Variants in UIMC1 observed in about 807,000 individuals in gnomAD.
The protein encoded by UIMC1 is ubiquitin interaction motif containing 1.
In UIMC1, 42 loss-of-function variants were observed where a neutral mutation model predicts 84.9. The ratio of observed to expected loss-of-function variants is 0.49; its 90% CI spans 0.39 to 0.64. The LOEUF (loss-of-function observed/expected upper bound fraction) is 0.64, where lower values mean the gene tolerates loss of function less well. Among genes scored for constraint, UIMC1 ranks in the 30% least tolerant of loss-of-function variants. UIMC1 has a pLI of 0.00. For missense variants in UIMC1, 825 were observed against 847.6 expected (o/e 0.97, Z 0.33); for synonymous variants, 281 against 293.0 (o/e 0.96, Z 0.42).
At position 176,984,486 on chromosome 5, in the gene UIMC1, C is replaced by T. The variant is rs1771646970; in HGVS notation, c.-8-1863G>A. ...GGATGTGAGGAGCGCCTCTGCCTGG[C>T]CGCCCCATCTAGGAGTGAGGAGTGC... On this transcript the variant is annotated intron_variant, in intron 1 of 14. Coordinates refer to ENST00000511320, the MANE Select transcript of UIMC1 (RefSeq NM_001199298.2). Among the ~76,000 whole-genome samples the T allele has an allele frequency of 2.0e-5, 3 of 150,052 alleles. No individual in the cohort carries two copies. The South Asian group carries it at 6.4e-4, about 32-fold the overall frequency.
chr5:176,966,914 G>A (rs1276719510), intron 6 of UIMC1, among the ~76,000 whole-genome samples: 1 of 152,096 alleles, frequency 6.6e-6, no homozygotes, highest in Non-Finnish European at 1.5e-5. Flanking sequence ...AAATACAAAT[G>A]GGTCTTAGAC....
chr5:176,960,415 G>C (rs1399451142), intron 6 of UIMC1, among the ~76,000 whole-genome samples: 1 of 152,044 alleles, frequency 6.6e-6, no homozygotes, highest in Non-Finnish European at 1.5e-5. Context: ...ATGAACACAG[G>C]ATAGCAAAAT....
Position 176,969,053 on chromosome 5 carries a change from C to T in UIMC1, c.702G>A (p.Gln234=). The part of the protein sequence containing the change: ...SAEHTQCGKP[Q]ESTGRGSAFL... ...AAGCAGAACCCCTCCCAGTACTTTCCTGTGGCTTCCCACACTGTGTGTGCT... is the reference window on the plus strand; with the variant it reads ...AAGCAGAACCCCTCCCAGTACTTTCTTGTGGCTTCCCACACTGTGTGTGCT... Residue 234 remains glutamine, a synonymous_variant, in exon 6 of 15, where the codon CAG becomes CAA. Transcript: ENST00000511320. 6.2e-7 allele frequency: 1 copy of T among 1,614,192 alleles called. No homozygotes were observed. Among genetic ancestry groups the T allele is most frequent in the Non-Finnish European group, 8.5e-7 (1 of 1,180,006 alleles).
intron 1 of UIMC1, among the ~76,000 whole-genome samples, chr5:176,991,233 T>A (rs543269159): frequency 3.3e-5 from 5 of 151,860 alleles, no homozygotes; most frequent in Admixed American, 2.6e-4. Context: ...ATGGTCTCGA[T>A]CTCCTGACCT....
At chr5:176,984,602 G>A (rs1485766031) in intron 1 of UIMC1, among the ~76,000 whole-genome samples, 2 of 152,008 alleles carry the variant, frequency 1.3e-5, no homozygotes, top group South Asian at 2.1e-4. Context: ...AAGAGACAGC[G>A]ACCAACGAGA....
upstream of UIMC1, among the ~76,000 whole-genome samples, chr5:177,008,384 C>T (rs142790014): frequency 1.4e-3 from 206 of 152,280 alleles, no homozygotes; most frequent in Non-Finnish European, 2.1e-3. Context: ...CAGTATACTA[C>T]AATTCTTTGC....
At chr5:176,993,535 C>T (rs1313088056) in intron 1 of UIMC1, among the ~76,000 whole-genome samples, 5 of 151,976 alleles carry the variant, frequency 3.3e-5, no homozygotes, top group African/African-American at 9.7e-5. Context: ...CATCATGGCA[C>T]GAATATACCT....
intron 1 of UIMC1, among the ~76,000 whole-genome samples, chr5:176,989,040 C>T (rs1032100693): frequency 2.6e-5 from 4 of 152,028 alleles, no homozygotes; most frequent in Admixed American, 2.6e-4. Context: ...TTTTATTTTA[C>T]AGCCAGAGCA....
intron 10 of UIMC1, among the ~76,000 whole-genome samples, chr5:176,916,725 T>G (rs1761023663): frequency 6.6e-6 from 1 of 152,212 alleles, no homozygotes; most frequent in African/African-American, 2.4e-5. Context: ...CTTAGCCTTA[T>G]CCAAAGACTT....
chr5:177,018,012 T>C (rs1178321377), intron 1 of UIMC1, among the ~76,000 whole-genome samples: 3 of 152,054 alleles, frequency 2.0e-5, no homozygotes, highest in Non-Finnish European at 4.4e-5. Context: ...ACTCAGTAGA[T>C]ACTTTTATGT....
rs1769092900 is a variant in UIMC1, at chr5:176,970,783, C to A, written c.316G>T (p.Glu106Ter). 6.2e-7 allele frequency: 1 copy of A among 1,614,028 alleles called. No homozygotes were observed. Among genetic ancestry groups the A allele is most frequent in the Non-Finnish European group, 8.5e-7 (1 of 1,180,044 alleles). Reference sequence around the variant, plus strand: ...ATGGCTTTCCTCAAGAGCTCCTCTTCTTCCTCCTCCTGGCTGTTCACCTCC... The same window carrying A: ...ATGGCTTTCCTCAAGAGCTCCTCTTATTCCTCCTCCTGGCTGTTCACCTCC... ...AREVNSQEEE[E>*]EELLRKAIAE... is the part of the protein sequence containing the mutation. The change falls in exon 4 of 15, where the codon GAA (glutamate) becomes TAA (stop). Residue 106 changes from glutamate (E) to a stop codon, truncating the protein, a stop_gained. Coordinates refer to ENST00000511320, the MANE Select transcript of UIMC1 (RefSeq NM_001199298.2). LOFTEE classifies it high-confidence loss of function.
chr5:176,937,418 C>T (rs571845703), intron 10 of UIMC1, among the ~76,000 whole-genome samples: 2 of 152,266 alleles, frequency 1.3e-5, no homozygotes, highest in African/African-American at 4.8e-5. Flanking sequence ...TGGCATGAAC[C>T]TGGAGGCAAA....
intron 1 of UIMC1, among the ~76,000 whole-genome samples, chr5:177,021,179 G>A (rs994150687): frequency 3.9e-5 from 6 of 152,198 alleles, no homozygotes; most frequent in Non-Finnish European, 5.9e-5. Flanking sequence ...TCAGGAGGCT[G>A]AGGCTGGAGA....
At chr5:176,988,075 G>T (rs941769506) in intron 1 of UIMC1, among the ~76,000 whole-genome samples, 3 of 126,876 alleles carry the variant, frequency 2.4e-5, no homozygotes, top group African/African-American at 9.1e-5. Context: ...AGGCTGCAGT[G>T]AACCAATATC....
chr5:176,932,858 CTTTTTTT>C (rs749495757), intron 10 of UIMC1, among the ~76,000 whole-genome samples: 80 of 106,634 alleles, frequency 7.5e-4, no homozygotes, highest in African/African-American at 2.6e-3. Flanking sequence ...AATAGCAATG[CTTTTTTT>C]TTTTTTTTTT....
intron 11 of UIMC1, among the ~76,000 whole-genome samples, 146 bp downstream of exon 11, chr5:176,911,157 AAAGAAAAG>A (rs1760141170): frequency 1.4e-5 from 1 of 71,906 alleles, no homozygotes; most frequent in Admixed American, 1.2e-4. Context: ...AAAGAAAAGA[AAAGAAAAG>A]AAAAGAAAAG....
At chr5:176,994,627 C>G (rs1189907172) in intron 1 of UIMC1, among the ~76,000 whole-genome samples, 1 of 151,998 alleles carries the variant, frequency 6.6e-6, no homozygotes, top group Non-Finnish European at 1.5e-5. Flanking sequence ...AGGTGGCCAC[C>G]AGCCCAGCAG....
At chr5:177,015,637 T>C (rs1430345555) in intron 1 of UIMC1, among the ~76,000 whole-genome samples, 3 of 152,178 alleles carry the variant, frequency 2.0e-5, no homozygotes, top group Non-Finnish European at 2.9e-5. Flanking sequence ...AAAGCATTAC[T>C]TGACTCTAAC....
At chr5:177,019,152 T>G (rs1775735765) in intron 1 of UIMC1, among the ~76,000 whole-genome samples, 1 of 152,232 alleles carries the variant, frequency 6.6e-6, no homozygotes, top group Non-Finnish European at 1.5e-5. Context: ...CATCTGGTTT[T>G]GGCAAAAGGA....
Sources: allele counts gnomAD v4.1 joint callset (sites outside exome capture counted in the v4.1 genomes callset), GRCh38; gene constraint gnomAD v4.1.1; transcripts MANE v1.5; gene names NCBI Gene and HGNC (gene_info 2026-07-23, HGNC 2026-07-21).